The following COL26A1 variants were observed in gnomAD, a reference collection of about 807,000 sequenced individuals.
COL26A1 encodes the protein collagen type XXVI alpha 1 chain.
COL26A1 carries 41 observed loss-of-function variants against 59.3 expected under a neutral mutation model. The ratio of observed to expected loss-of-function variants is 0.69; its 90% confidence interval spans 0.54 to 0.90. COL26A1 has a LOEUF of 0.90. COL26A1 is among the 40% of genes least tolerant of loss of function. COL26A1 has a pLI of 0.00. For missense variants in COL26A1, 612 were observed against 602.3 expected (o/e 1.02, Z -0.17); for synonymous variants, 266 against 256.0 (o/e 1.04, Z -0.37).
chr7:101,498,941 G>A (rs773715767), intron 3 of COL26A1, among the ~76,000 whole-genome samples: 1 of 152,130 alleles, frequency 6.6e-6, no homozygotes, highest in Non-Finnish European at 1.5e-5. Context: ...GCCGATCCCC[G>A]CACAAAACTG....
intron 3 of COL26A1, among the ~76,000 whole-genome samples, chr7:101,458,536 G>T (rs1424741732): frequency 6.6e-6 from 1 of 152,080 alleles, no homozygotes; most frequent in Non-Finnish European, 1.5e-5. Context: ...TACTTGGGAG[G>T]CTGAGGCAGG....
intron 3 of COL26A1, among the ~76,000 whole-genome samples, chr7:101,461,826 G>C (rs117557348): frequency 6.6e-6 from 1 of 152,074 alleles, no homozygotes; most frequent in Non-Finnish European, 1.5e-5. Context: ...TCAAGGTCTC[G>C]TCCACAGTGT....
chr7:101,548,649 T>G (rs1584506204), intron 8 of COL26A1, among the ~76,000 whole-genome samples: 2 of 136,322 alleles, frequency 1.5e-5, no homozygotes, highest in African/African-American at 2.7e-5. Flanking sequence ...GCCAGGAGGG[T>G]GTCTGGCTGG....
intron 1 of COL26A1, among the ~76,000 whole-genome samples, chr7:101,395,379 C>A (rs1791831892): frequency 1.3e-5 from 2 of 152,216 alleles, no homozygotes; most frequent in African/African-American, 4.8e-5. Flanking sequence ...TTGGGTGGCC[C>A]ACTTCAGAGC....
intron 2 of COL26A1, among the ~76,000 whole-genome samples, chr7:101,422,583 C>T (rs1212792279): frequency 6.6e-6 from 1 of 152,084 alleles, no homozygotes; most frequent in Non-Finnish European, 1.5e-5. Context: ...CTGTCTGTGA[C>T]CCTGACAGGC....
chr7:101,443,045 A>G (rs12673547), intron 2 of COL26A1, among the ~76,000 whole-genome samples: 3 of 152,110 alleles, frequency 2.0e-5, no homozygotes, highest in Non-Finnish European at 1.5e-5. Context: ...TCACATGGGT[A>G]TGTGAATGTG....
At chr7:101,541,009 T>C (rs1795605159) in intron 5 of COL26A1, among the ~76,000 whole-genome samples, 1 of 152,144 alleles carries the variant, frequency 6.6e-6, no homozygotes, top group Admixed American at 6.6e-5. Context: ...ATGAGAAAAT[T>C]GGCCATCAGG....
chr7:101,445,777 C>T (rs1311587440), intron 2 of COL26A1, among the ~76,000 whole-genome samples: 1 of 140,044 alleles, frequency 7.1e-6, no homozygotes, highest in Non-Finnish European at 1.6e-5. Context: ...GCACCAGGCG[C>T]GGTGGCCCAT....
rs1175945602 is a variant in COL26A1 at position 101,551,092 on chromosome 7, C to G, written c.994-16C>G. On this transcript the variant is annotated splice_polypyrimidine_tract_variant and intron_variant, in intron 9 of 12. Transcript: ENST00000313669. The stretch of plus-strand genomic sequence containing the variant: ...AGGACCGGCAGGCCTCACACGCTTC[C>G]TTTGGTTTTCTGCAGGGCCTGGCTG... 6 of 1,554,240 alleles carry G rather than the reference C, an allele frequency of 3.9e-6. No homozygotes were observed. In the African/African-American group the frequency reaches 8.2e-5, roughly 21 times the overall value.
At chr7:101,556,928 G>A (rs1339056425) in intron 12 of COL26A1, among the ~76,000 whole-genome samples, 1 of 151,148 alleles carries the variant, frequency 6.6e-6, no homozygotes, top group Non-Finnish European at 1.5e-5. Context: ...TGGATGGATG[G>A]ATAGATGCAT....
chr7:101,517,269 G>T (rs1047206294), intron 3 of COL26A1, among the ~76,000 whole-genome samples: 1 of 152,172 alleles, frequency 6.6e-6, no homozygotes, highest in African/African-American at 2.4e-5. Flanking sequence ...TTCCTCCGTT[G>T]GGTGTCTAGG....
chr7:101,415,887 C>G (rs1792360045), intron 1 of COL26A1, among the ~76,000 whole-genome samples: 1 of 151,550 alleles, frequency 6.6e-6, no homozygotes, highest in Non-Finnish European at 1.5e-5. Context: ...CCCACCTCAG[C>G]CTTCCAAAGT....
Position 101,452,953 on chromosome 7 carries a change from C to T in COL26A1, c.385+5166C>T, listed in dbSNP as rs574077445. 5.3e-5 allele frequency among the ~76,000 whole-genome samples: 8 copies of T among 152,120 alleles called. No individual in the cohort carries two copies. The South Asian group carries it at 6.2e-4, about 12-fold the overall frequency. ...CTAATTATTGTATTTTTAGTAGAGA[C>T]GGAGTCTCACCATGTTGGCCAAGCT... is the stretch of plus-strand genomic sequence containing the variant. On this transcript the variant is annotated intron_variant, in intron 3 of 12. Coordinates refer to ENST00000313669, the MANE Select transcript of COL26A1 (RefSeq NM_001278563.3).
In COL26A1 at chr7:101,547,772, C is replaced by G. The variant is rs181313952; in HGVS notation, c.940+533C>G. Among the ~76,000 whole-genome samples, 269 of 152,188 alleles carry G rather than the reference C, an allele frequency of 1.8e-3. 2 individuals are homozygous for G. The highest frequency in any genetic ancestry group is 3.7e-4 in the Non-Finnish European group (25 of 68,016). On this transcript the variant is annotated intron_variant, in intron 8 of 12. Coordinates refer to ENST00000313669, the MANE Select transcript of COL26A1 (RefSeq NM_001278563.3). ...TCTTTTATTCATTCATTTATTCATT[C>G]ATTCGTTCATTCATTCATTCATTTG...
At chr7:101,376,667 C>T (rs1053774313) in intron 1 of COL26A1, among the ~76,000 whole-genome samples, 1 of 152,026 alleles carries the variant, frequency 6.6e-6, no homozygotes, top group African/African-American at 2.4e-5. Context: ...TCTCTTAGGA[C>T]CCTGCTCAGG....
chr7:101,550,976 G>GC, intron 9 of COL26A1, 132 bp from the exon 10 acceptor site: 1 of 1,018,378 alleles, frequency 9.8e-7, no homozygotes, highest in East Asian at 2.6e-5. Context: ...TCCCGTGCCG[G>GC]CCGGGCCATC....
At chr7:101,443,525 C>T (rs1194998475) in intron 2 of COL26A1, among the ~76,000 whole-genome samples, 2 of 152,254 alleles carry the variant, frequency 1.3e-5, no homozygotes, top group South Asian at 2.1e-4. Context: ...TTTCATTCAC[C>T]GATTAAGTTG....
At chr7:101,419,264 G>T (rs373947852) in intron 1 of COL26A1, among the ~76,000 whole-genome samples, 1 of 151,678 alleles carries the variant, frequency 6.6e-6, no homozygotes, top group Admixed American at 6.6e-5. Flanking sequence ...GTGCCACCAC[G>T]CCTGGGCTAA....
At chr7:101,460,747 C>A (rs1793590810) in intron 3 of COL26A1, among the ~76,000 whole-genome samples, 1 of 151,598 alleles carries the variant, frequency 6.6e-6, no homozygotes, top group South Asian at 2.1e-4. Context: ...TGTCACTGCA[C>A]TCCAGCCTGG....
Sources: gnomAD v4.1 joint callset for allele counts (sites outside exome capture counted in the v4.1 genomes callset) on GRCh38, gnomAD v4.1.1 for gene constraint, MANE v1.5 for transcripts, NCBI Gene and HGNC (gene_info 2026-07-23, HGNC 2026-07-21) for gene names.